The following FMN2 variants were observed in gnomAD, a reference collection of about 807,000 sequenced individuals.
FMN2 encodes formin 2.
FMN2 carries 51 observed loss-of-function variants against 142.3 expected under a neutral mutation model. That is an observed-to-expected ratio of 0.36 (90% CI 0.29 to 0.45). The LOEUF (loss-of-function observed/expected upper bound fraction) is 0.45, where lower values mean the gene tolerates loss of function less well. Among genes scored for constraint, FMN2 ranks in the 20% least tolerant of loss-of-function variants. The pLI is 1.00. For synonymous variants in FMN2, 882 were observed against 869.8 expected (o/e 1.01, Z -0.25); for missense variants, 1,936 against 2,122.8 (o/e 0.91, Z 1.73).
At chr1:240,162,796 G>T (rs533870396) in intron 2 of FMN2, among the ~76,000 whole-genome samples, 2 of 152,106 alleles carry the variant, frequency 1.3e-5, no homozygotes, top group South Asian at 4.1e-4. Flanking sequence ...GGGCTAAATT[G>T]CTGGATCTTT....
chr1:240,198,720 G>A (rs769196704), intron 4 of FMN2, among the ~76,000 whole-genome samples: 42 of 151,922 alleles, frequency 2.8e-4, no homozygotes, highest in Non-Finnish European at 5.0e-4. Flanking sequence ...ATAACACCTC[G>A]ATCTCTTTCC....
At chr1:240,145,754 C>T (rs749346240) in intron 2 of FMN2, among the ~76,000 whole-genome samples, 3 of 151,828 alleles carry the variant, frequency 2.0e-5, no homozygotes, top group Non-Finnish European at 4.4e-5. Context: ...AAGTGATCCT[C>T]CTGCCTCAGC....
intron 14 of FMN2, among the ~76,000 whole-genome samples, chr1:240,379,847 C>A (rs1673167736): frequency 6.6e-6 from 1 of 151,822 alleles, no homozygotes; most frequent in African/African-American, 2.4e-5. Context: ...ATAGATAGAC[C>A]ACTAGCTAGA....
intron 8 of FMN2, among the ~76,000 whole-genome samples, chr1:240,303,830 A>T (rs1670286180): frequency 6.6e-6 from 1 of 151,970 alleles, no homozygotes; most frequent in Non-Finnish European, 1.5e-5. Flanking sequence ...CGGCTTCCTG[A>T]GGCTGTCTTC....
intron 1 of FMN2, among the ~76,000 whole-genome samples, chr1:240,114,439 A>G: frequency 6.6e-6 from 1 of 152,072 alleles, no homozygotes; most frequent in East Asian, 1.9e-4. Flanking sequence ...TGTGTACTTT[A>G]TGATCACCCC....
At chr1:240,456,872 A>G (rs1676264064) in intron 16 of FMN2, among the ~76,000 whole-genome samples, 1 of 152,190 alleles carries the variant, frequency 6.6e-6, no homozygotes, top group South Asian at 2.1e-4. Flanking sequence ...TGCTCTCTCT[A>G]GAACCGCACA....
At chr1:240,225,929 A>G (rs1003677212) in intron 6 of FMN2, among the ~76,000 whole-genome samples, 4 of 152,320 alleles carry the variant, frequency 2.6e-5, no homozygotes, top group African/African-American at 9.6e-5. Context: ...TAGATGATTT[A>G]ACGATCGATT....
At chr1:240,109,002 C>T (rs1558298944) in intron 1 of FMN2, among the ~76,000 whole-genome samples, 2 of 152,190 alleles carry the variant, frequency 1.3e-5, no homozygotes, top group Non-Finnish European at 2.9e-5. Flanking sequence ...TGCCATTGCA[C>T]TCCAGCCTGG....
chr1:240,329,391 A>G lies in FMN2; in HGVS notation c.4360A>G (p.Ile1454Val), dbSNP rs1376658867. 5 of 1,613,966 alleles carry G rather than the reference A, an allele frequency of 3.1e-6. No individual in the cohort carries two copies. The highest frequency in any genetic ancestry group is 2.7e-5 in the African/African-American group (2 of 74,932). The change falls in exon 10 of 18, where the codon ATC becomes GTC. Residue 1454 changes from isoleucine (I) to valine (V), a missense_variant. By Grantham distance (29) the Ile-to-Val change is conservative. Coordinates refer to ENST00000319653, the MANE Select transcript of FMN2 (RefSeq NM_020066.5). ...CAACTTTTCAGAGCGAGTCTTTTGC[A>G]TCCTGTTCCAGTCCACATTTTCAGA... is the stretch of plus-strand genomic sequence containing the variant. ...IPNFSERVFC[I>V]LFQSTFSESI...
At chr1:240,138,250 A>G (rs988412293) in intron 2 of FMN2, among the ~76,000 whole-genome samples, 2 of 151,770 alleles carry the variant, frequency 1.3e-5, no homozygotes, top group African/African-American at 4.8e-5. Flanking sequence ...TAGAGAGAGC[A>G]TTCTGGGTGT....
At position 240,197,216 on chromosome 1, in the gene FMN2, A is replaced by C. The variant is rs570296028; in HGVS notation, c.1986+8954A>C. The stretch of plus-strand genomic sequence containing the variant: ...TCATGAAACCTCCATTAAAACCCCC[A>C]AAATTGATGGGATTTGGAGAGCTTC... On this transcript the variant is annotated intron_variant, in intron 4 of 17. Coordinates refer to ENST00000319653, the MANE Select transcript of FMN2 (RefSeq NM_020066.5). 1.1e-4 allele frequency among the ~76,000 whole-genome samples: 16 copies of C among 152,256 alleles called. No homozygotes were observed. In the East Asian group the frequency reaches 1.4e-3, roughly 13 times the overall value.
chr1:240,339,473 A>C (rs1455748195), intron 13 of FMN2, among the ~76,000 whole-genome samples: 1 of 152,134 alleles, frequency 6.6e-6, no homozygotes, highest in Non-Finnish European at 1.5e-5. Flanking sequence ...GGATCTAGGA[A>C]GGTATTCTCC....
chr1:240,301,189 A>C (rs1231577261), intron 8 of FMN2, among the ~76,000 whole-genome samples: 1 of 143,322 alleles, frequency 7.0e-6, no homozygotes, highest in South Asian at 2.2e-4. Flanking sequence ...TTTTAGCTTC[A>C]CCTCTTTGTG....
chr1:240,184,402 A>AT (rs1665298253), intron 3 of FMN2, among the ~76,000 whole-genome samples: 1 of 150,772 alleles, frequency 6.6e-6, no homozygotes, highest in South Asian at 2.1e-4. Context: ...AGGCCGGCTC[A>AT]TTTTTGTATT....
At chr1:240,349,951 G>A (rs943553271) in intron 13 of FMN2, among the ~76,000 whole-genome samples, 4 of 115,348 alleles carry the variant, frequency 3.5e-5, no homozygotes, top group African/African-American at 8.2e-5. Flanking sequence ...TGTAGTGTTC[G>A]GTATTTTTTT....
At chr1:240,324,533 C>A (rs1419693241) in intron 8 of FMN2, among the ~76,000 whole-genome samples, 1 of 151,948 alleles carries the variant, frequency 6.6e-6, no homozygotes. Flanking sequence ...GGCTGGCACA[C>A]ACCTGTAATC....
At chr1:240,446,947 G>A (rs1301997718) in intron 16 of FMN2, among the ~76,000 whole-genome samples, 1 of 152,086 alleles carries the variant, frequency 6.6e-6, no homozygotes, top group East Asian at 1.9e-4. Flanking sequence ...TGGAGCTTTA[G>A]AAAAATGGAA....
intron 6 of FMN2, among the ~76,000 whole-genome samples, chr1:240,216,432 A>T (rs1161810222): frequency 6.6e-6 from 1 of 152,224 alleles, no homozygotes; most frequent in African/African-American, 2.4e-5. Context: ...AATGCAACAC[A>T]ATGAATCTCT....
intron 14 of FMN2, among the ~76,000 whole-genome samples, chr1:240,388,884 G>A (rs910290343): frequency 6.6e-6 from 1 of 151,102 alleles, no homozygotes; most frequent in Admixed American, 6.6e-5. Flanking sequence ...AAAAGGGGGG[G>A]GGTCAAGCAT....
Sources: allele counts gnomAD v4.1 joint callset (sites outside exome capture counted in the v4.1 genomes callset), GRCh38; gene constraint gnomAD v4.1.1; transcripts MANE v1.5; gene names NCBI Gene and HGNC (gene_info 2026-07-23, HGNC 2026-07-21).